Variants in NAALADL2 observed in about 807,000 individuals in gnomAD.
NAALADL2 encodes inactive N-acetylated-alpha-linked acidic dipeptidase-like protein 2.
Under a neutral mutation model 87.2 loss-of-function variants are expected in NAALADL2, and 76 were observed. The ratio of observed to expected loss-of-function variants is 0.87; its 90% confidence interval spans 0.72 to 1.05. The LOEUF (loss-of-function observed/expected upper bound fraction) is 1.05, where lower values mean the gene tolerates loss of function less well. Ranked by LOEUF, NAALADL2 falls within the 50% of genes least tolerant of loss-of-function variation. The pLI is 0.00. For missense variants in NAALADL2, 1,089 were observed against 945.8 expected (o/e 1.15, Z -1.99); for synonymous variants, 354 against 331.0 (o/e 1.07, Z -0.75).
chr3:175,662,273 T>A (rs1411123942), intron 11 of NAALADL2, among the ~76,000 whole-genome samples: 1 of 151,982 alleles, frequency 6.6e-6, no homozygotes, highest in Non-Finnish European at 1.5e-5. Context: ...GGAATTACTT[T>A]CTTGATATCT....
chr3:175,226,222 A>G (rs890806597), intron 2 of NAALADL2, among the ~76,000 whole-genome samples: 1 of 152,070 alleles, frequency 6.6e-6, no homozygotes, highest in African/African-American at 2.4e-5. Context: ...CCATTTCTGA[A>G]CTGATTTTTA....
intron 1 of NAALADL2, among the ~76,000 whole-genome samples, chr3:174,522,969 A>G (rs1406025578): frequency 6.6e-6 from 1 of 151,042 alleles, no homozygotes; most frequent in African/African-American, 2.4e-5. Context: ...AAAAAAAACA[A>G]CAACAAGGAA....
intron 3 of NAALADL2, among the ~76,000 whole-genome samples, chr3:174,827,212 G>T (rs1185255536): frequency 6.6e-6 from 1 of 152,038 alleles, no homozygotes; most frequent in East Asian, 1.9e-4. Flanking sequence ...TAATTAGTAT[G>T]TACTGGTATA....
chr3:175,047,594 A>G (rs892430115), intron 1 of NAALADL2, among the ~76,000 whole-genome samples: 1 of 152,212 alleles, frequency 6.6e-6, no homozygotes, highest in African/African-American at 2.4e-5. Context: ...TAAGACAAAT[A>G]TAACACAAAC....
chr3:175,678,406 T>G (rs560202687), intron 11 of NAALADL2, among the ~76,000 whole-genome samples: 1 of 152,264 alleles, frequency 6.6e-6, no homozygotes, highest in Non-Finnish European at 1.5e-5. Flanking sequence ...GCAATAAGAA[T>G]GTTGTGCTAC....
chr3:175,245,757 G>A (rs114518488), intron 3 of NAALADL2, among the ~76,000 whole-genome samples: 284 of 152,186 alleles, frequency 1.9e-3, no homozygotes, highest in Middle Eastern at 0.014. Context: ...TATATCTTAC[G>A]CTTAATTCTG....
chr3:174,992,706 AGT>A (rs1553912387), intron 1 of NAALADL2, among the ~76,000 whole-genome samples: 1 of 152,150 alleles, frequency 6.6e-6, no homozygotes, highest in Non-Finnish European at 1.5e-5. Context: ...ATGATATTAA[AGT>A]GTGGAAATTT....
chr3:175,460,730 C>T (rs993548262), intron 6 of NAALADL2, among the ~76,000 whole-genome samples: 3 of 152,048 alleles, frequency 2.0e-5, no homozygotes, highest in South Asian at 2.1e-4. Context: ...CTCTGTTTGC[C>T]GCATATTCAG....
At chr3:175,522,776 G>A (rs1010758624) in intron 9 of NAALADL2, among the ~76,000 whole-genome samples, 2 of 152,138 alleles carry the variant, frequency 1.3e-5, no homozygotes, top group Admixed American at 6.5e-5. Context: ...AGTAATCTGA[G>A]TTATTTTGAT....
intron 4 of NAALADL2, among the ~76,000 whole-genome samples, chr3:175,307,778 T>C (rs1477087662): frequency 2.0e-5 from 3 of 152,132 alleles, no homozygotes; most frequent in Non-Finnish European, 4.4e-5. Context: ...TTGTATTAAG[T>C]TTCTGAAATT....
chr3:174,654,562 A>G (rs1256891969), intron 2 of NAALADL2, among the ~76,000 whole-genome samples: 1 of 152,136 alleles, frequency 6.6e-6, no homozygotes, highest in East Asian at 1.9e-4. Context: ...AAATTTATGT[A>G]TAAGCAAGAG....
intron 1 of NAALADL2, among the ~76,000 whole-genome samples, chr3:175,016,279 A>G (rs574373489): frequency 7.4e-5 from 11 of 148,634 alleles, no homozygotes; most frequent in Non-Finnish European, 1.5e-4. Flanking sequence ...ATATATATAA[A>G]AAACAATAGC....
intron 3 of NAALADL2, among the ~76,000 whole-genome samples, chr3:174,840,674 C>T (rs1351360825): frequency 1.3e-5 from 2 of 152,042 alleles, no homozygotes; most frequent in Non-Finnish European, 2.9e-5. Context: ...ATAGGTATCT[C>T]CCCATTCAGC....
intron 5 of NAALADL2, among the ~76,000 whole-genome samples, chr3:175,386,776 G>T (rs898952802): frequency 6.6e-6 from 1 of 152,048 alleles, no homozygotes; most frequent in Non-Finnish European, 1.5e-5. Flanking sequence ...TGTCTAGCAC[G>T]TCTTATGCTA....
At chr3:174,724,744 C>G (rs1732027515) in intron 2 of NAALADL2, among the ~76,000 whole-genome samples, 1 of 152,120 alleles carries the variant, frequency 6.6e-6, no homozygotes, top group Admixed American at 6.5e-5. Context: ...ACCACAGCAT[C>G]TATATGATAC....
intron 5 of NAALADL2, among the ~76,000 whole-genome samples, chr3:175,386,302 GTTTTGTAGAGTTTT>G (rs1248997673): frequency 2.0e-5 from 3 of 151,226 alleles, no homozygotes; most frequent in African/African-American, 4.9e-5. Flanking sequence ...CTGTTCATTT[GTTTTGTAGAGTTTT>G]TCACAGTACA....
At chr3:174,714,239 C>A (rs1490680407) in intron 2 of NAALADL2, among the ~76,000 whole-genome samples, 1 of 152,084 alleles carries the variant, frequency 6.6e-6, no homozygotes, top group Admixed American at 6.6e-5. Context: ...TCGCGTGATA[C>A]CCCTAGCTTT....
chr3:174,759,194 A>G (rs1279962307), intron 3 of NAALADL2, among the ~76,000 whole-genome samples: 2 of 152,240 alleles, frequency 1.3e-5, no homozygotes, highest in African/African-American at 2.4e-5. Flanking sequence ...GCCTTATTTT[A>G]TAATGGCTGC....
At chr3:175,442,020 C>T (rs777233378) in intron 5 of NAALADL2, among the ~76,000 whole-genome samples, 1 of 152,136 alleles carries the variant, frequency 6.6e-6, no homozygotes, top group Non-Finnish European at 1.5e-5. Flanking sequence ...CAGCTCACTG[C>T]AACTTCCGCC....
Sources: allele counts gnomAD v4.1 joint callset (sites outside exome capture counted in the v4.1 genomes callset), GRCh38; gene constraint gnomAD v4.1.1; transcripts MANE v1.5; gene names NCBI Gene and HGNC (gene_info 2026-07-23, HGNC 2026-07-21).